Variants in CSMD3 observed in about 807,000 individuals in gnomAD.
CSMD3 encodes the protein CUB and sushi domain-containing protein 3.
Under a neutral mutation model 435.2 loss-of-function variants are expected in CSMD3, and 177 were observed. The ratio of observed to expected loss-of-function variants is 0.41; its 90% CI spans 0.36 to 0.46. The LOEUF is 0.46. CSMD3 is among the 20% of genes least tolerant of loss of function. The probability of loss-of-function intolerance (pLI) is 0.34; values close to 1 mark genes in which losing one functional copy is unlikely to be tolerated. For synonymous variants in CSMD3, 1,656 were observed against 1,520.5 expected, an observed-to-expected ratio of 1.09 and a Z score of -2.07; for missense variants, 4,265 against 4,504.6, an observed-to-expected ratio of 0.95 and a Z score of 1.52.
chr8:113,285,291 G>A (rs1380486026), intron 2 of CSMD3, among the ~76,000 whole-genome samples: 90 of 135,186 alleles, frequency 6.7e-4, no homozygotes, highest in Non-Finnish European at 1.1e-3. Flanking sequence ...ACAGAGTCTA[G>A]CTCTGTTGCC....
intron 13 of CSMD3, among the ~76,000 whole-genome samples, chr8:112,722,805 T>A (rs1034749262): frequency 6.6e-6 from 1 of 152,152 alleles, no homozygotes; most frequent in Non-Finnish European, 1.5e-5. Context: ...TGTGTATAAA[T>A]AATAATGGTA....
intron 1 of CSMD3, among the ~76,000 whole-genome samples, chr8:113,415,771 A>G (rs7831822): frequency 0.78 from 118,188 of 152,014 alleles, 46,524 homozygotes; most frequent in East Asian, 0.94. Context: ...TGTCATATGC[A>G]GCAGCTGCTT....
rs888261401 is a variant in CSMD3, at chr8:112,719,034, G to A, written c.1973-28984C>T. Among the ~76,000 whole-genome samples the A allele has an allele frequency of 9.2e-5, 14 of 152,126 alleles. No individual in the cohort carries two copies. The South Asian group carries it at 2.9e-3, about 32-fold the overall frequency. Reference sequence around the variant, plus strand: ...CTGAATTTATTGAAGACATTATTCTGATATAAGAACAAATCAACTATCAAA... The same window carrying A: ...CTGAATTTATTGAAGACATTATTCTAATATAAGAACAAATCAACTATCAAA... On this transcript the variant is annotated intron_variant, in intron 13 of 70. Transcript: ENST00000297405.
chr8:112,637,662 A>G (rs1353467106), intron 21 of CSMD3, among the ~76,000 whole-genome samples: 1 of 152,146 alleles, frequency 6.6e-6, no homozygotes, highest in Non-Finnish European at 1.5e-5. Flanking sequence ...TATAATTTAT[A>G]TACAGTCCTA....
At chr8:112,477,638 A>G (rs1419309861) in intron 31 of CSMD3, among the ~76,000 whole-genome samples, 1 of 152,108 alleles carries the variant, frequency 6.6e-6, no homozygotes, top group East Asian at 1.9e-4. Flanking sequence ...CTATCTTGCC[A>G]TGTAACATAC....
intron 24 of CSMD3, among the ~76,000 whole-genome samples, chr8:112,560,323 T>C (rs1319725685): frequency 3.3e-5 from 5 of 151,790 alleles, no homozygotes; most frequent in Admixed American, 1.3e-4. Flanking sequence ...TGATTGTTTC[T>C]TTTCCTTGTT....
intron 27 of CSMD3, among the ~76,000 whole-genome samples, chr8:112,547,395 A>G (rs1449499611): frequency 6.6e-6 from 1 of 152,082 alleles, no homozygotes; most frequent in East Asian, 1.9e-4. Flanking sequence ...CAAAAAAAAA[A>G]TAAAAATTAG....
chr8:112,515,047 G>T (rs1312701926), intron 28 of CSMD3, among the ~76,000 whole-genome samples: 2 of 151,582 alleles, frequency 1.3e-5, no homozygotes, highest in Non-Finnish European at 1.5e-5. Flanking sequence ...TTAGTACTCA[G>T]CTTTTTTTTT....
intron 7 of CSMD3, among the ~76,000 whole-genome samples, chr8:112,955,347 T>C (rs2083977056): frequency 6.6e-6 from 1 of 151,766 alleles, no homozygotes; most frequent in South Asian, 2.1e-4. Flanking sequence ...GAAAGTGAAC[T>C]ACAGCTATTT....
chr8:112,768,508 A>G (rs1313152629), intron 13 of CSMD3, among the ~76,000 whole-genome samples: 1 of 151,936 alleles, frequency 6.6e-6, no homozygotes, highest in Non-Finnish European at 1.5e-5. Context: ...TGATGTCCTT[A>G]AACACAGTGT....
chr8:113,207,358 G>A (rs1588275855), intron 3 of CSMD3, among the ~76,000 whole-genome samples: 2 of 149,510 alleles, frequency 1.3e-5, no homozygotes, highest in Admixed American at 6.7e-5. Context: ...TTTTTCTCCC[G>A]AAATATAATA....
chr8:113,059,212 A>G (rs1587985948), intron 5 of CSMD3, among the ~76,000 whole-genome samples: 1 of 152,270 alleles, frequency 6.6e-6, no homozygotes, highest in East Asian at 1.9e-4. Flanking sequence ...TATTTTGTGT[A>G]AGTTAGATTA....
chr8:112,957,657 G>A (rs545835325), intron 7 of CSMD3, among the ~76,000 whole-genome samples: 55 of 152,200 alleles, frequency 3.6e-4, no homozygotes, highest in Middle Eastern at 3.4e-3. Context: ...AGCCGTGTTG[G>A]CCAGGCTGGT....
intron 5 of CSMD3, among the ~76,000 whole-genome samples, chr8:113,072,105 TTTG>T (rs149934729): frequency 6.6e-6 from 1 of 151,902 alleles, no homozygotes; most frequent in Non-Finnish European, 1.5e-5. Flanking sequence ...TATCATATGG[TTTG>T]TTGTTTCAAT....
intron 42 of CSMD3, among the ~76,000 whole-genome samples, chr8:112,340,359 C>A (rs190999793): frequency 6.6e-6 from 1 of 152,216 alleles, no homozygotes; most frequent in East Asian, 1.9e-4. Context: ...ACATTATGCA[C>A]GCAAGTATAA....
chr8:112,572,448 A>G (rs1159619582), intron 24 of CSMD3, among the ~76,000 whole-genome samples: 2 of 152,074 alleles, frequency 1.3e-5, no homozygotes, highest in Admixed American at 6.6e-5. Flanking sequence ...ACTATTTCTT[A>G]TACCATTAAG....
chr8:112,435,149 A>G (rs1323230683), intron 32 of CSMD3, among the ~76,000 whole-genome samples: 3 of 152,080 alleles, frequency 2.0e-5, no homozygotes, highest in African/African-American at 2.4e-5. Context: ...ATAAGCATAG[A>G]TGTGATTCCA....
chr8:112,798,486 A>C (rs190632348), intron 13 of CSMD3, among the ~76,000 whole-genome samples: 119 of 151,866 alleles, frequency 7.8e-4, no homozygotes, highest in Non-Finnish European at 1.2e-3. Flanking sequence ...GGAGGGAGAA[A>C]AAGTAGGGCA....
chr8:112,690,204 C>T (rs2076101167), intron 13 of CSMD3, among the ~76,000 whole-genome samples, 154 bp from the exon 14 acceptor site: 3 of 151,042 alleles, frequency 2.0e-5, no homozygotes, highest in African/African-American at 7.3e-5. Context: ...GCCATTCTTA[C>T]AGGCATGATA....
Sources: gnomAD v4.1 joint callset for allele counts (sites outside exome capture counted in the v4.1 genomes callset) on GRCh38, gnomAD v4.1.1 for gene constraint, MANE v1.5 for transcripts, NCBI Gene and HGNC (gene_info 2026-07-23, HGNC 2026-07-21) for gene names.